The following CNTLN variants were observed in gnomAD, a reference collection of about 807,000 sequenced individuals.
The protein encoded by CNTLN is centlein, centrosomal protein.
A neutral mutation model predicts 180.0 loss-of-function variants in CNTLN; 212 were observed. The ratio of observed to expected loss-of-function variants is 1.18; its 90% CI spans 1.05 to 1.32. CNTLN has a LOEUF of 1.32. Among genes scored for constraint, CNTLN ranks in the 40% most tolerant of loss-of-function variants. The pLI is 0.00. For synonymous variants in CNTLN, 722 were observed against 563.1 expected (o/e 1.28, Z -3.99); for missense variants, 2,095 against 1,610.9 (o/e 1.30, Z -5.14).
chr9:17,466,175 CATTTTT>C, intron 22 of CNTLN, 57 bp downstream of exon 22: 1 of 1,461,126 alleles, frequency 6.8e-7, no homozygotes, highest in Non-Finnish European at 9.4e-7. Flanking sequence ...GTGTTTGTTT[CATTTTT>C]AACATTGTTG....
At chr9:17,262,869 T>G (rs756753659) in intron 5 of CNTLN, among the ~76,000 whole-genome samples, 38 of 151,452 alleles carry the variant, frequency 2.5e-4, no homozygotes, top group Non-Finnish European at 4.0e-4. Context: ...TCGTAGTATT[T>G]TGGGGTGTGT....
intron 5 of CNTLN, among the ~76,000 whole-genome samples, chr9:17,254,170 G>A (rs895211695): frequency 1.3e-5 from 2 of 151,534 alleles, no homozygotes; most frequent in African/African-American, 4.8e-5. Flanking sequence ...CTTTTCATAT[G>A]CTTCTTGGCC....
intron 18 of CNTLN, among the ~76,000 whole-genome samples, chr9:17,427,605 A>G (rs551571057): frequency 1.3e-5 from 2 of 152,178 alleles, no homozygotes; most frequent in South Asian, 2.1e-4. Flanking sequence ...ACATATAGGC[A>G]TGACAGTTCA....
chr9:17,496,146 A>C (rs143742269), intron 25 of CNTLN, among the ~76,000 whole-genome samples: 364 of 152,346 alleles, frequency 2.4e-3, no homozygotes, highest in African/African-American at 8.3e-3. Context: ...CAACATATTT[A>C]AATCAACACT....
chr9:17,202,346 A>C (rs1398843613), intron 2 of CNTLN, among the ~76,000 whole-genome samples: 1 of 152,170 alleles, frequency 6.6e-6, no homozygotes, highest in Non-Finnish European at 1.5e-5. Flanking sequence ...GATGTCTGTT[A>C]GTTCCCCTTG....
chr9:17,371,360 CTG>C (rs1824301690), intron 13 of CNTLN, among the ~76,000 whole-genome samples: 3 of 152,036 alleles, frequency 2.0e-5, no homozygotes, highest in South Asian at 2.1e-4. Flanking sequence ...CAAGCAAAAA[CTG>C]TAAGAGACAA....
chr9:17,352,406 ATATATATATAT>A (rs770565994), intron 12 of CNTLN, among the ~76,000 whole-genome samples: 181 of 129,614 alleles, frequency 1.4e-3, no homozygotes, highest in African/African-American at 2.9e-3. Flanking sequence ...ATATATATAT[ATATATATATAT>A]TTTTTTTTTT....
intron 21 of CNTLN, 77 bp downstream of exon 21, chr9:17,464,700 C>A (rs1831644341): frequency 1.1e-6 from 1 of 895,796 alleles, no homozygotes; most frequent in Non-Finnish European, 1.6e-6. Flanking sequence ...AACATTTAAT[C>A]CTAATAAATG....
intron 2 of CNTLN, among the ~76,000 whole-genome samples, chr9:17,220,315 T>G (rs972166088): frequency 1.3e-5 from 2 of 152,074 alleles, no homozygotes; most frequent in African/African-American, 4.8e-5. Context: ...TATCCGTATC[T>G]CATTTAAAAG....
At chr9:17,211,014 G>T (rs113304201) in intron 2 of CNTLN, among the ~76,000 whole-genome samples, 1 of 152,156 alleles carries the variant, frequency 6.6e-6, no homozygotes, top group Non-Finnish European at 1.5e-5. Context: ...TTGCCTGTTC[G>T]CTCTGATGGT....
intron 23 of CNTLN, among the ~76,000 whole-genome samples, chr9:17,475,033 T>G (rs758745595): frequency 4.6e-5 from 7 of 152,186 alleles, no homozygotes; most frequent in Non-Finnish European, 7.3e-5. Flanking sequence ...TTTACCTCAC[T>G]ATTCCACTTT....
At chr9:17,526,648 A>G in the CNTLN span, among the ~76,000 whole-genome samples, 5 of 152,202 alleles carry the variant, frequency 3.3e-5, no homozygotes, top group African/African-American at 1.2e-4. Context: ...AATCATTTGA[A>G]ACCTATTGCT....
chr9:17,242,949 A>T (rs1003180097), intron 5 of CNTLN, among the ~76,000 whole-genome samples: 1 of 152,126 alleles, frequency 6.6e-6, no homozygotes, highest in African/African-American at 2.4e-5. Context: ...GTTTGGTAGA[A>T]ATCAGCGGTG....
At chr9:17,457,331 C>G (rs898824533) in intron 18 of CNTLN, among the ~76,000 whole-genome samples, 193 bp from the exon 19 acceptor site, 1 of 151,932 alleles carries the variant, frequency 6.6e-6, no homozygotes, top group Non-Finnish European at 1.5e-5. Flanking sequence ...TTTGTTTTAC[C>G]TTTGCAAGCC....
intron 18 of CNTLN, among the ~76,000 whole-genome samples, chr9:17,422,982 C>T (rs912141208): frequency 1.3e-5 from 2 of 152,178 alleles, no homozygotes; most frequent in African/African-American, 4.8e-5. Flanking sequence ...ACTTGTACCA[C>T]CTTGGTGGGC....
chr9:17,137,248 T>G (rs1258294094), intron 1 of CNTLN, among the ~76,000 whole-genome samples: 1 of 152,220 alleles, frequency 6.6e-6, no homozygotes, highest in South Asian at 2.1e-4. Flanking sequence ...ATTAATACTC[T>G]TATATAATTG....
chr9:17,194,056 C>G (rs1266618686), intron 2 of CNTLN, among the ~76,000 whole-genome samples: 1 of 152,190 alleles, frequency 6.6e-6, no homozygotes, highest in African/African-American at 2.4e-5. Context: ...ACACAGGGCA[C>G]CAAGTCCCTA....
chr9:17,508,349 A>G (rs1833970370), downstream of CNTLN, among the ~76,000 whole-genome samples: 1 of 152,266 alleles, frequency 6.6e-6, no homozygotes, highest in Non-Finnish European at 1.5e-5. Context: ...AACATCTTAC[A>G]TAACCACAGT....
chr9:17,257,823 T>G (rs1445324118), intron 5 of CNTLN, among the ~76,000 whole-genome samples: 1 of 146,158 alleles, frequency 6.8e-6, no homozygotes, highest in African/African-American at 2.6e-5. Context: ...TTGATGGGGT[T>G]GTTTGTTTTT....
Sources: allele counts gnomAD v4.1 joint callset (sites outside exome capture counted in the v4.1 genomes callset), GRCh38; gene constraint gnomAD v4.1.1; transcripts MANE v1.5; gene names NCBI Gene and HGNC (gene_info 2026-07-23, HGNC 2026-07-21).